The following CAST variants were observed in gnomAD, a reference collection of about 807,000 sequenced individuals.
CAST encodes the protein MIR583 host.
CAST carries 76 observed loss-of-function variants against 119.6 expected under a neutral mutation model. That is an observed-to-expected ratio of 0.64 (90% CI 0.53 to 0.77). The LOEUF (loss-of-function observed/expected upper bound fraction) is 0.77, where lower values mean the gene tolerates loss of function less well. Among genes scored for constraint, CAST ranks in the 30% least tolerant of loss-of-function variants. The probability of loss-of-function intolerance (pLI) is 0.00; values close to 1 mark genes in which losing one functional copy is unlikely to be tolerated. For synonymous variants in CAST, 319 were observed against 331.6 expected, an observed-to-expected ratio of 0.96 and a Z score of 0.41; for missense variants, 953 against 946.5, an observed-to-expected ratio of 1.01 and a Z score of -0.09.
chr5:96,720,227 T>A (rs146386877), intron 3 of CAST, among the ~76,000 whole-genome samples: 271 of 152,356 alleles, frequency 1.8e-3, no homozygotes, highest in African/African-American at 6.3e-3. Context: ...GTTTAAAGCC[T>A]GTATATTAAA....
At chr5:96,355,703 G>A in the CAST span, among the ~76,000 whole-genome samples, 5 of 151,498 alleles carry the variant, frequency 3.3e-5, no homozygotes, top group Non-Finnish European at 3.0e-5. Flanking sequence ...GTTTCCTGAC[G>A]TCTTTTATTT....
At chr5:96,489,254 G>A in the CAST span, among the ~76,000 whole-genome samples, 1 of 152,122 alleles carries the variant, frequency 6.6e-6, no homozygotes, top group South Asian at 2.1e-4. Flanking sequence ...TTTCTGTTCT[G>A]CTTTTTAAGC....
the CAST span, among the ~76,000 whole-genome samples, chr5:96,228,194 C>T: frequency 2.6e-5 from 4 of 152,060 alleles, no homozygotes; most frequent in Admixed American, 6.6e-5. Flanking sequence ...GGAAAGAGCT[C>T]GATTCAGCTA....
chr5:96,702,615 A>ACACAGCACGTGGTC (rs1754056516), intron 3 of CAST, among the ~76,000 whole-genome samples: 1 of 152,230 alleles, frequency 6.6e-6, no homozygotes. Flanking sequence ...TGCGCAGCCC[A>ACACAGCACGTGGTC]CACAGCACGT....
the CAST span, among the ~76,000 whole-genome samples, chr5:96,142,209 G>A: frequency 9.9e-5 from 15 of 152,132 alleles, no homozygotes; most frequent in African/African-American, 3.4e-4. Flanking sequence ...TCAGGAGTTC[G>A]AGACAGCATG....
chr5:96,109,825 T>A, the CAST span, among the ~76,000 whole-genome samples: 1 of 152,110 alleles, frequency 6.6e-6, no homozygotes, highest in Non-Finnish European at 1.5e-5. Context: ...AGATACCACA[T>A]CTTAATTCTT....
At chr5:96,028,718 A>G in the CAST span, among the ~76,000 whole-genome samples, 1 of 152,124 alleles carries the variant, frequency 6.6e-6, no homozygotes, top group Non-Finnish European at 1.5e-5. Flanking sequence ...GTCTTGCTAA[A>G]TAAGTAACAT....
At chr5:96,122,680 G>A in the CAST span, among the ~76,000 whole-genome samples, 1 of 151,614 alleles carries the variant, frequency 6.6e-6, no homozygotes. Context: ...GAAGAAATAA[G>A]ATAATTATCT....
At chr5:96,199,247 A>G in the CAST span, among the ~76,000 whole-genome samples, 1 of 152,164 alleles carries the variant, frequency 6.6e-6, no homozygotes, top group Non-Finnish European at 1.5e-5. Flanking sequence ...TTTGAGAAAG[A>G]AAGGCTTTGG....
the CAST span, among the ~76,000 whole-genome samples, chr5:96,437,907 A>G: frequency 1.3e-5 from 2 of 152,140 alleles, no homozygotes; most frequent in Admixed American, 1.3e-4. Context: ...CCTTCCTTAT[A>G]ATGATATTAT....
chr5:96,189,910 C>A, the CAST span, among the ~76,000 whole-genome samples: 18 of 152,064 alleles, frequency 1.2e-4, 1 homozygote, highest in Non-Finnish European at 2.6e-4. Context: ...CTATATTATC[C>A]TGGGTCAACT....
At chr5:96,122,914 C>T in the CAST span, among the ~76,000 whole-genome samples, 1 of 151,952 alleles carries the variant, frequency 6.6e-6, no homozygotes, top group Non-Finnish European at 1.5e-5. Flanking sequence ...AGATAATATG[C>T]ATTTATAGTC....
intron 16 of CAST, chr5:96,743,526 GC>G (rs749450257): frequency 1.0e-5 from 15 of 1,475,168 alleles, no homozygotes; most frequent in Non-Finnish European, 9.9e-6. Flanking sequence ...CTGTCACAAT[GC>G]CCCATCTCTG....
intron 1 of CAST, among the ~76,000 whole-genome samples, chr5:96,588,671 T>C (rs1477884297): frequency 2.6e-5 from 4 of 152,174 alleles, no homozygotes; most frequent in Non-Finnish European, 5.9e-5. Flanking sequence ...AAGAGAGTAA[T>C]CAATTTACAC....
the CAST span, among the ~76,000 whole-genome samples, chr5:96,384,823 C>T: frequency 2.0e-5 from 3 of 152,140 alleles, no homozygotes; most frequent in African/African-American, 7.2e-5. Context: ...CTGAAAAATG[C>T]ACCCCTAAAG....
At chr5:96,547,988 T>TAAG (rs1055196203) in intron 1 of CAST, among the ~76,000 whole-genome samples, 2 of 152,050 alleles carry the variant, frequency 1.3e-5, no homozygotes, top group Admixed American at 1.3e-4. Context: ...AAATACAATG[T>TAAG]AAGTCTTTGA....
At chr5:96,112,479 C>T in the CAST span, among the ~76,000 whole-genome samples, 1 of 152,120 alleles carries the variant, frequency 6.6e-6, no homozygotes, top group South Asian at 2.1e-4. Flanking sequence ...AGAGCAGGGA[C>T]TGTATTTGAC....
At chr5:96,579,600 C>T (rs1005956734) in intron 1 of CAST, among the ~76,000 whole-genome samples, 1 of 152,142 alleles carries the variant, frequency 6.6e-6, no homozygotes, top group African/African-American at 2.4e-5. Context: ...CTTGTGGCAG[C>T]TAGGGCCCAT....
At chr5:96,240,756 T>C in the CAST span, among the ~76,000 whole-genome samples, 59 of 141,368 alleles carry the variant, frequency 4.2e-4, 1 homozygote, top group African/African-American at 1.6e-3. Flanking sequence ...TTTTTTTTTT[T>C]CTGATGCAGT....
Sources: allele counts gnomAD v4.1 joint callset (sites outside exome capture counted in the v4.1 genomes callset), GRCh38; gene constraint gnomAD v4.1.1; transcripts MANE v1.5; gene names NCBI Gene and HGNC (gene_info 2026-07-23, HGNC 2026-07-21).